FRMD4B: variants seen among roughly 807,000 people sequenced by gnomAD.
The protein encoded by FRMD4B is FERM domain containing 4B.
Under a neutral mutation model 141.5 loss-of-function variants are expected in FRMD4B, and 74 were observed. The ratio of observed to expected loss-of-function variants is 0.52; its 90% CI spans 0.43 to 0.63. FRMD4B has a LOEUF of 0.63. FRMD4B is among the 30% of genes least tolerant of loss of function. FRMD4B has a pLI of 0.00. For missense variants in FRMD4B, 1,366 were observed against 1,253.4 expected, an observed-to-expected ratio of 1.09 and a Z score of -1.36; for synonymous variants, 506 against 467.9, an observed-to-expected ratio of 1.08 and a Z score of -1.05.
chr3:69,297,776 C>T (rs557411561), intron 4 of FRMD4B, among the ~76,000 whole-genome samples: 1 of 152,216 alleles, frequency 6.6e-6, no homozygotes, highest in South Asian at 2.1e-4. Flanking sequence ...CTGGGGAAGT[C>T]CCCCAGAAAC....
chr3:69,486,574 T>G (rs115786837), intron 1 of FRMD4B, among the ~76,000 whole-genome samples: 1 of 152,296 alleles, frequency 6.6e-6, no homozygotes, highest in African/African-American at 2.4e-5. Flanking sequence ...ATTGAACCTA[T>G]AACTTCACTC....
At chr3:69,334,828 A>G (rs1702490151) in intron 1 of FRMD4B, among the ~76,000 whole-genome samples, 2 of 152,220 alleles carry the variant, frequency 1.3e-5, no homozygotes, top group Non-Finnish European at 2.9e-5. Context: ...GGGACTCAAC[A>G]GTGACACAAG....
intron 5 of FRMD4B, among the ~76,000 whole-genome samples, chr3:69,268,050 A>AATTCTTATTTTTTTTCTT (rs1167418493): frequency 3.3e-5 from 5 of 151,880 alleles, no homozygotes; most frequent in Non-Finnish European, 5.9e-5. Context: ...CTTTCCTCCC[A>AATTCTTATTTTTTTTCTT]ATTCTTATTT....
chr3:69,232,522 C>G (rs534822649), intron 7 of FRMD4B, among the ~76,000 whole-genome samples: 97 of 152,314 alleles, frequency 6.4e-4, no homozygotes, highest in Non-Finnish European at 1.1e-3. Flanking sequence ...TGAAGCCCCC[C>G]TTTCACAGGC....
chr3:69,465,930 T>A (rs966159955), intron 1 of FRMD4B, among the ~76,000 whole-genome samples: 3 of 152,208 alleles, frequency 2.0e-5, no homozygotes, highest in Admixed American at 1.3e-4. Flanking sequence ...CTGGGTCAAA[T>A]GGTATTTCTA....
At chr3:69,343,166 C>G (rs1702797856) in intron 1 of FRMD4B, among the ~76,000 whole-genome samples, 1 of 152,094 alleles carries the variant, frequency 6.6e-6, no homozygotes, top group Non-Finnish European at 1.5e-5. Flanking sequence ...GTTGTCCAGG[C>G]TGGTCTTGAC....
intron 5 of FRMD4B, among the ~76,000 whole-genome samples, chr3:69,280,671 T>C (rs2093640610): frequency 6.6e-6 from 1 of 152,148 alleles, no homozygotes; most frequent in Admixed American, 6.6e-5. Flanking sequence ...CTGCCTGTCA[T>C]TGAGCATGTC....
At chr3:69,207,340 A>G (rs2093033087) in intron 11 of FRMD4B, among the ~76,000 whole-genome samples, 1 of 151,656 alleles carries the variant, frequency 6.6e-6, no homozygotes, top group African/African-American at 2.4e-5. Flanking sequence ...AAGAAAGAAA[A>G]TAAATCTTTA....
In FRMD4B at chr3:69,257,973, C is replaced by T. The variant is rs372577499; in HGVS notation, c.502-7874G>A. Reference sequence around the variant, plus strand: ...TCCCTAATAACTGGGACTACAGGTGCGTGCCACCACACCAGGCTATTTTTT... The same window carrying T: ...TCCCTAATAACTGGGACTACAGGTGTGTGCCACCACACCAGGCTATTTTTT... On this transcript the variant is annotated intron_variant, in intron 5 of 22. Transcript: ENST00000398540. 8.5e-5 allele frequency among the ~76,000 whole-genome samples: 13 copies of T among 152,208 alleles called. 1 individual carries two copies. The highest frequency in any genetic ancestry group is 6.5e-5 in the Admixed American group (1 of 15,286).
chr3:69,429,918 T>A (rs1425857888), intron 2 of FRMD4B, among the ~76,000 whole-genome samples: 1 of 151,644 alleles, frequency 6.6e-6, no homozygotes, highest in Non-Finnish European at 1.5e-5. Context: ...CACCACCACG[T>A]CTGGCTAATT....
upstream of FRMD4B, among the ~76,000 whole-genome samples, chr3:69,390,823 G>A (rs1201432634): frequency 6.6e-6 from 1 of 152,130 alleles, no homozygotes; most frequent in Non-Finnish European, 1.5e-5. Context: ...AACCTGGAAG[G>A]TGGAGGTTGC....
chr3:69,331,098 T>A (rs1405453661), intron 1 of FRMD4B, among the ~76,000 whole-genome samples: 1 of 152,094 alleles, frequency 6.6e-6, no homozygotes, highest in African/African-American at 2.4e-5. Context: ...CCAAATATTT[T>A]CCCCCGTGTC....
chr3:69,376,226 A>C (rs923323217), intron 1 of FRMD4B, among the ~76,000 whole-genome samples: 9 of 152,294 alleles, frequency 5.9e-5, no homozygotes, highest in African/African-American at 1.9e-4. Context: ...CAACTGATTC[A>C]ATATAATTTT....
Position 69,193,700 on chromosome 3 carries a change from T to C in FRMD4B, c.1662A>G (p.Glu554=). Reference sequence around the variant, plus strand: ...GTTTCTTTCCACACCTAATTCGGTATTCGTTTATTGCATTTTCAATCTCCT... The same window carrying C: ...GTTTCTTTCCACACCTAATTCGGTACTCGTTTATTGCATTTTCAATCTCCT... ...KLQEIENAIN[E]YRIRCGKKPS... The change falls in exon 17 of 23, where the codon GAA becomes GAG. Residue 554 remains glutamate (E), a synonymous_variant. Transcript: ENST00000398540. 6.2e-7 allele frequency: 1 copy of C among 1,613,818 alleles called. No homozygotes were observed. Among genetic ancestry groups the C allele is most frequent in the African/African-American group, 1.3e-5 (1 of 75,044 alleles).
At chr3:69,479,857 A>T (rs1575585182) in intron 1 of FRMD4B, among the ~76,000 whole-genome samples, 1 of 152,182 alleles carries the variant, frequency 6.6e-6, no homozygotes, top group African/African-American at 2.4e-5. Context: ...TCTGACGTAG[A>T]TTTGGTCTTT....
intron 19 of FRMD4B, among the ~76,000 whole-genome samples, chr3:69,184,126 G>A (rs935523874): frequency 6.6e-6 from 1 of 151,478 alleles, no homozygotes; most frequent in Non-Finnish European, 1.5e-5. Flanking sequence ...TGGCCAGGCT[G>A]TTTTCGAACT....
intron 20 of FRMD4B, 104 bp downstream of exon 20, chr3:69,182,494 G>C: frequency 1.8e-6 from 2 of 1,084,286 alleles, no homozygotes; most frequent in Non-Finnish European, 2.6e-6. Flanking sequence ...ACAAGGTCCT[G>C]CTACAGAAAG....
chr3:69,391,139 A>G (rs1206525354), intron 2 of FRMD4B, among the ~76,000 whole-genome samples: 3 of 152,062 alleles, frequency 2.0e-5, no homozygotes, highest in South Asian at 2.1e-4. Context: ...TTCACTTACA[A>G]TTTTTGGATA....
chr3:69,253,468 C>G (rs1277747197), intron 5 of FRMD4B, among the ~76,000 whole-genome samples: 1 of 152,136 alleles, frequency 6.6e-6, no homozygotes, highest in African/African-American at 2.4e-5. Context: ...AACATACACT[C>G]TCAAAGTAGA....
Sources: allele counts gnomAD v4.1 joint callset (sites outside exome capture counted in the v4.1 genomes callset), GRCh38; gene constraint gnomAD v4.1.1; transcripts MANE v1.5; gene names NCBI Gene and HGNC (gene_info 2026-07-23, HGNC 2026-07-21).